Variants in PRDM16 observed in about 807,000 individuals in gnomAD.
PRDM16 encodes the protein histone-lysine N-methyltransferase PRDM16.
A neutral mutation model predicts 110.6 loss-of-function variants in PRDM16; 23 were observed. The observed-to-expected ratio is 0.21, with a 90% CI of 0.15 to 0.29. PRDM16 has a LOEUF of 0.29. Ranked by LOEUF, PRDM16 falls within the 10% of genes least tolerant of loss-of-function variation. The pLI is 1.00. For synonymous variants in PRDM16, 799 were observed against 781.8 expected (o/e 1.02, Z -0.37); for missense variants, 1,615 against 1,794.3 (o/e 0.90, Z 1.81).
At chr1:3,094,049 A>G (rs893906361) in intron 1 of PRDM16, among the ~76,000 whole-genome samples, 2 of 152,240 alleles carry the variant, frequency 1.3e-5, no homozygotes, top group Non-Finnish European at 2.9e-5. Flanking sequence ...CCAGCCAGCA[A>G]CGTGGTCTGG....
rs1010446434 is a variant in PRDM16 at position 3,405,544 on chromosome 1, T to C, written c.1082T>C (p.Val361Ala). The C allele has an allele frequency of 6.2e-7, 1 of 1,606,800 alleles. No homozygotes were observed. The highest frequency in any genetic ancestry group is 8.5e-7 in the Non-Finnish European group (1 of 1,177,218). Residue 361 changes from valine (V) to alanine (A), a missense_variant, in exon 8 of 17, where the codon GTG (valine) becomes GCG (alanine). Physicochemically the swap from Val to Ala is moderately conservative, Grantham distance 64. This residue lies in a region of PRDM16 where 82 missense variants were observed against 144.4 expected (regional missense o/e 0.57). Coordinates refer to ENST00000270722, the MANE Select transcript of PRDM16 (RefSeq NM_022114.4). Reference protein sequence around the residue: ...NLQRHIRSQHVGARAHACPDC... With the variant: ...NLQRHIRSQHAGARAHACPDC... ...CAGCGGCACATCCGCTCGCAGCACG[T>C]GGGCGCTCGGGCCCACGCCTGCCCC...
intron 3 of PRDM16, among the ~76,000 whole-genome samples, chr1:3,379,902 ACACACCCCTCCCAG>A (rs750972926): frequency 2.4e-3 from 6 of 2,454 alleles, no homozygotes; most frequent in Non-Finnish European, 3.5e-3. Context: ...ACCCCTCCCA[ACACACCCCTCCCAG>A]CACACCCCTC....
At chr1:3,403,719 C>T (rs1340660247) in intron 6 of PRDM16, among the ~76,000 whole-genome samples, 2 of 152,228 alleles carry the variant, frequency 1.3e-5, no homozygotes, top group African/African-American at 4.8e-5. Flanking sequence ...GAAACCAGGA[C>T]ATTCAGTCCA....
rs1213416674 is a variant in PRDM16, at chr1:3,370,842, G to A, written c.439-14310G>A. Reference sequence around the variant, plus strand: ...CCATCCACCATCTATTCATCCATCCGTCCACCCACCCATCCATCCATTAAT... The same window carrying A: ...CCATCCACCATCTATTCATCCATCCATCCACCCACCCATCCATCCATTAAT... On this transcript the variant is annotated intron_variant, in intron 3 of 16. Transcript: ENST00000270722. The surrounding 1 kb of genome is among the most constrained non-coding windows in gnomAD (Gnocchi z 4.8). 2.7e-5 allele frequency among the ~76,000 whole-genome samples: 4 copies of A among 150,518 alleles called. No homozygotes were observed. Among genetic ancestry groups the A allele is most frequent in the East Asian group, 3.9e-4 (2 of 5,074 alleles).
chr1:3,375,769 AC>A (rs1357924484), intron 3 of PRDM16, among the ~76,000 whole-genome samples: 3 of 151,672 alleles, frequency 2.0e-5, no homozygotes, highest in African/African-American at 7.3e-5. Flanking sequence ...TCAGATGGAA[AC>A]TCCTCTTTGC....
chr1:3,139,969 A>G (rs1643515302), intron 1 of PRDM16, among the ~76,000 whole-genome samples: 1 of 152,250 alleles, frequency 6.6e-6, no homozygotes, highest in Non-Finnish European at 1.5e-5. Context: ...CATGCCTGCC[A>G]GACAAACACG....
At chr1:3,083,017 C>T (rs147841356) in intron 1 of PRDM16, among the ~76,000 whole-genome samples, 6 of 152,286 alleles carry the variant, frequency 3.9e-5, no homozygotes, top group South Asian at 4.1e-4. Flanking sequence ...ACAGTGCACC[C>T]GGAACGCTCG....
rs1020772091 is a variant in PRDM16 at position 3,190,051 on chromosome 1, C to T, written c.387+3577C>T. Among the ~76,000 whole-genome samples, 2 of 152,056 alleles carry T rather than the reference C, an allele frequency of 1.3e-5. No homozygotes were observed. Among genetic ancestry groups the T allele is most frequent in the Non-Finnish European group, 2.9e-5 (2 of 68,030 alleles). On this transcript the variant is annotated intron_variant, in intron 2 of 16. Coordinates refer to ENST00000270722, the MANE Select transcript of PRDM16 (RefSeq NM_022114.4). The surrounding 1 kb of genome is among the most constrained non-coding windows in gnomAD (Gnocchi z 5.0). ...CGGCTTTGGGATGACTGGGGAGGGT[C>T]AGGGGCTCTTCTCTCCCTGACATGG...
At chr1:3,078,514 G>A (rs1193565707) in intron 1 of PRDM16, among the ~76,000 whole-genome samples, 1 of 152,248 alleles carries the variant, frequency 6.6e-6, no homozygotes, top group Non-Finnish European at 1.5e-5. Context: ...TGGCGCGGAG[G>A]TGCCTGTTCC....
At chr1:3,414,499 C>T (rs1447759867) in intron 9 of PRDM16, 61 bp from the exon 10 acceptor site, 22 of 1,321,034 alleles carry the variant, frequency 1.7e-5, no homozygotes, top group African/African-American at 1.0e-4. Flanking sequence ...CTCTGTGGAG[C>T]GGGTGGCTCG....
At chr1:3,111,837 C>T (rs1211965572) in intron 1 of PRDM16, among the ~76,000 whole-genome samples, 1 of 152,228 alleles carries the variant, frequency 6.6e-6, no homozygotes, top group Non-Finnish European at 1.5e-5. Flanking sequence ...CACTGGACAG[C>T]GCCACGATAA....
intron 3 of PRDM16, among the ~76,000 whole-genome samples, chr1:3,362,228 G>A (rs1339702757): frequency 6.6e-6 from 1 of 152,226 alleles, no homozygotes; most frequent in Non-Finnish European, 1.5e-5. Context: ...TCTAGCAGAC[G>A]TGCCACCGGC....
At chr1:3,315,458 G>A (rs1297722139) in intron 3 of PRDM16, among the ~76,000 whole-genome samples, 1 of 152,170 alleles carries the variant, frequency 6.6e-6, no homozygotes, top group African/African-American at 2.4e-5. Flanking sequence ...GGCCGGGTAG[G>A]AAGAGCTTCT....
chr1:3,367,615 C>G (rs541790047), intron 3 of PRDM16, among the ~76,000 whole-genome samples: 2 of 152,170 alleles, frequency 1.3e-5, no homozygotes, highest in Non-Finnish European at 2.9e-5. Context: ...AAAACACGTG[C>G]GGTCCTGTGG....
intron 1 of PRDM16, among the ~76,000 whole-genome samples, chr1:3,174,649 G>T (rs1036928523): frequency 2.6e-5 from 4 of 152,166 alleles, no homozygotes; most frequent in African/African-American, 9.6e-5. Context: ...GTTTGCATCT[G>T]GTCAGGATTG....
chr1:3,424,556 C>T (rs371684086), intron 12 of PRDM16, among the ~76,000 whole-genome samples: 5 of 152,254 alleles, frequency 3.3e-5, no homozygotes, highest in African/African-American at 1.2e-4. Context: ...TGCAGGCCGG[C>T]AGCAGCCCTG....
In PRDM16 at chr1:3,434,760, G is replaced by A; in HGVS notation, c.*949G>A. On this transcript the variant is annotated 3_prime_UTR_variant, in exon 17 of 17. Coordinates refer to ENST00000270722, the MANE Select transcript of PRDM16 (RefSeq NM_022114.4). ...TGGCTTGGATCCGCCATGCAGAGATGTGGCCGGGCACCCATCTTCCTTCCC... is the reference window on the plus strand; with the variant it reads ...TGGCTTGGATCCGCCATGCAGAGATATGGCCGGGCACCCATCTTCCTTCCC... The A allele has an allele frequency of 4.3e-6, 1 of 232,590 alleles. No individual in the cohort carries two copies. The highest frequency in any genetic ancestry group is 8.5e-6 in the Non-Finnish European group (1 of 117,636). The allele number at this position is 232,590 out of a possible 1,614,324, so 14.4% of individuals were successfully genotyped here.
At position 3,425,917 on chromosome 1, in the gene PRDM16, T is replaced by A; in HGVS notation, c.3110-134T>A. 1 of 1,247,712 alleles carries A rather than the reference T, an allele frequency of 8.0e-7. No individual in the cohort carries two copies. The allele number at this position is 1,247,712 out of a possible 1,614,324, so 77.3% of individuals were successfully genotyped here. ...CAAACCGTGGTCATTAAAGAGAACCTCGTGCTCTCCGGTGTCCCTAAGAAA... is the reference window on the plus strand; with the variant it reads ...CAAACCGTGGTCATTAAAGAGAACCACGTGCTCTCCGGTGTCCCTAAGAAA... On this transcript the variant is annotated intron_variant, in intron 13 of 16. Coordinates refer to ENST00000270722, the MANE Select transcript of PRDM16 (RefSeq NM_022114.4). This position sits in a 1 kb window ranked among gnomAD's most constrained non-coding sequence, Gnocchi z 6.9.
intron 3 of PRDM16, among the ~76,000 whole-genome samples, chr1:3,312,272 T>C (rs1446751114): frequency 1.3e-5 from 2 of 152,166 alleles, no homozygotes; most frequent in Non-Finnish European, 1.5e-5. Flanking sequence ...CCCACGCTCA[T>C]CCTCTGAGGA....
Sources: gnomAD v4.1 joint callset for allele counts (sites outside exome capture counted in the v4.1 genomes callset) on GRCh38, gnomAD v4.1.1 for gene constraint, gnomAD v4.1.1 regional missense constraint, Gnocchi (gnomAD v3.1) non-coding constraint, MANE v1.5 for transcripts, NCBI Gene and HGNC (gene_info 2026-07-23, HGNC 2026-07-21) for gene names.